The following QPCTL variants were observed in gnomAD, a reference collection of about 807,000 sequenced individuals.
QPCTL encodes glutaminyl-peptide cyclotransferase like.
Under a neutral mutation model 34.6 loss-of-function variants are expected in QPCTL, and 31 were observed. The observed-to-expected ratio is 0.90, with a 90% CI of 0.67 to 1.21. The LOEUF is 1.21. Ranked by LOEUF, QPCTL falls within the 50% of genes most tolerant of loss-of-function variation. The probability of loss-of-function intolerance (pLI) is 0.00; values close to 1 mark genes in which losing one functional copy is unlikely to be tolerated. For synonymous variants in QPCTL, 223 were observed against 226.9 expected (o/e 0.98, Z 0.15); for missense variants, 474 against 507.8 (o/e 0.93, Z 0.64).
chr19:45,693,120 CG>C (rs890907652), intron 1 of QPCTL, among the ~76,000 whole-genome samples: 2 of 152,010 alleles, frequency 1.3e-5, no homozygotes, highest in Non-Finnish European at 2.9e-5. Context: ...AATAGTAAGA[CG>C]GGGGGGTTCA....
chr19:45,702,745 CAG>C (rs1279757579), intron 6 of QPCTL, among the ~76,000 whole-genome samples, 157 bp from the exon 7 acceptor site: 1 of 148,860 alleles, frequency 6.7e-6, no homozygotes, highest in African/African-American at 2.5e-5. Context: ...GCCTGGGCGA[CAG>C]AGTGAGACTC....
intron 5 of QPCTL, among the ~76,000 whole-genome samples, chr19:45,700,431 G>A (rs753770574): frequency 3.4e-4 from 52 of 151,566 alleles, no homozygotes; most frequent in Non-Finnish European, 6.0e-4. Context: ...GTGACAGAGC[G>A]AGACTCTGTC....
Position 45,700,714 on chromosome 19 carries a change from A to G in QPCTL, c.887-1084A>G, listed in dbSNP as rs372263481. 7.1e-3 allele frequency among the ~76,000 whole-genome samples: 1,085 copies of G among 152,060 alleles called. 14 individuals carry two copies. The highest frequency in any genetic ancestry group is 0.025 in the African/African-American group (1,039 of 41,482). Reference sequence around the variant, plus strand: ...GGTGGCTCATGCCTGTAATCCCAGCACTTTGGGAGGCCGAGGTGGGCGAAT... The same window carrying G: ...GGTGGCTCATGCCTGTAATCCCAGCGCTTTGGGAGGCCGAGGTGGGCGAAT... On this transcript the variant is annotated intron_variant, in intron 5 of 6. Coordinates refer to ENST00000012049, the MANE Select transcript of QPCTL (RefSeq NM_017659.4).
In QPCTL at chr19:45,693,565, A is replaced by AC; in HGVS notation, c.351+12dup. ...ATCTCCAAGTCAGAAAGGTAAAGGG[A>AC]CCCACCTCCAGTCCCTGACCCCCTA... On this transcript the variant is annotated intron_variant, in intron 2 of 6. Transcript: ENST00000012049. 3.1e-6 allele frequency: 5 copies of AC among 1,604,638 alleles called. No individual in the cohort carries two copies. Among genetic ancestry groups the AC allele is most frequent in the Non-Finnish European group, 4.3e-6 (5 of 1,174,874 alleles).
At chr19:45,697,011 T>G (rs1275495055) in intron 3 of QPCTL, among the ~76,000 whole-genome samples, 1 of 151,730 alleles carries the variant, frequency 6.6e-6, no homozygotes, top group Non-Finnish European at 1.5e-5. Context: ...ATCCTACTAC[T>G]TGGGAGGTTG....
At chr19:45,698,437 G>A (rs1967743329) in intron 3 of QPCTL, 110 bp from the exon 4 acceptor site, 1 of 1,326,526 alleles carries the variant, frequency 7.5e-7, no homozygotes, top group Non-Finnish European at 1.0e-6. Context: ...CTATGAGTGA[G>A]GACACCTTAT....
rs560702379 is a variant in QPCTL at position 45,692,726 on chromosome 19, G to A, written c.23G>A (p.Arg8Gln). ...GCCATGCGTTCCGGGGGCCGCGGGC[G>A]ACCCCGCCTGCGGCTGGGGGAACGT... Reference protein sequence around the residue: MRSGGRGRPRLRLGERGL... With the variant: MRSGGRGQPRLRLGERGL... The change falls in exon 1 of 7, where the codon CGA (arginine) becomes CAA (glutamine). Residue 8 changes from arginine (R) to glutamine (Q), a missense_variant. By Grantham distance (43) the Arg-to-Gln change is conservative. Coordinates refer to ENST00000012049, the MANE Select transcript of QPCTL (RefSeq NM_017659.4). The A allele has an allele frequency of 1.3e-6, 2 of 1,552,692 alleles. No homozygotes were observed. The highest frequency in any genetic ancestry group is 1.4e-5 in the African/African-American group (1 of 72,016).
intron 3 of QPCTL, among the ~76,000 whole-genome samples, chr19:45,696,105 G>A (rs74889068): frequency 0.11 from 16,276 of 151,718 alleles, 1,111 homozygotes; most frequent in Non-Finnish European, 0.15. Context: ...CAGGGCTCCC[G>A]CCTCATTCCA....
chr19:45,699,031 C>CA, intron 5 of QPCTL, 131 bp downstream of exon 5: 4 of 331,820 alleles, frequency 1.2e-5, no homozygotes, highest in East Asian at 6.4e-5. Flanking sequence ...GAGACCCCAT[C>CA]TTTTTTTTTT....
At chr19:45,700,827 TG>T (rs1967795995) in intron 5 of QPCTL, among the ~76,000 whole-genome samples, 1 of 151,784 alleles carries the variant, frequency 6.6e-6, no homozygotes, top group South Asian at 2.1e-4. Context: ...GGTGTGGTGG[TG>T]GGCGCCTGTA....
intron 3 of QPCTL, among the ~76,000 whole-genome samples, chr19:45,696,146 C>G (rs941939619): frequency 1.3e-4 from 20 of 151,998 alleles, no homozygotes; most frequent in Non-Finnish European, 2.1e-4. Flanking sequence ...TATTGGCCCA[C>G]GAGCTGTGCC....
chr19:45,702,073 C>T (rs1430942583), intron 6 of QPCTL, among the ~76,000 whole-genome samples, 159 bp downstream of exon 6: 1 of 152,158 alleles, frequency 6.6e-6, no homozygotes, highest in East Asian at 1.9e-4. Flanking sequence ...TACTCCCTAT[C>T]TTAGAGTATT....
At chr19:45,695,850 T>C in intron 3 of QPCTL, 132 bp downstream of exon 3, 1 of 271,116 alleles carries the variant, frequency 3.7e-6, no homozygotes, top group African/African-American at 1.4e-4. Flanking sequence ...ACAGGGATCT[T>C]TTTTTTTTTT....
chr19:45,701,993 G>A, intron 6 of QPCTL, 79 bp downstream of exon 6: 1 of 1,193,298 alleles, frequency 8.4e-7, no homozygotes, highest in Middle Eastern at 2.1e-4. Context: ...CCTTCCCAGG[G>A]CTGGGGAATG....
At chr19:45,702,648 C>T (rs1435540187) in intron 6 of QPCTL, among the ~76,000 whole-genome samples, 1 of 151,736 alleles carries the variant, frequency 6.6e-6, no homozygotes, top group Non-Finnish European at 1.5e-5. Flanking sequence ...CCTATAATCC[C>T]AGCTACCCGG....
At position 45,692,868 on chromosome 19, in the gene QPCTL, G is replaced by A; in HGVS notation, c.165G>A (p.Trp55Ter). 6.4e-7 allele frequency: 1 copy of A among 1,552,202 alleles called. No individual in the cohort carries two copies. The highest frequency in any genetic ancestry group is 8.7e-7 in the Non-Finnish European group (1 of 1,149,674). The part of the protein sequence containing the change: ...GSAFYTIWSG[W>*]HRRTEELPLG... ...CGTTCTACACCATTTGGAGCGGCTG[G>A]CACCGCAGGACTGAGGAGCTGCCGC... Residue 55 changes from tryptophan (W) to a stop codon, truncating the protein, a stop_gained, in exon 1 of 7, where the codon TGG becomes TGA. Transcript: ENST00000012049. LOFTEE classifies it high-confidence loss of function.
rs1420996514 is a variant in QPCTL, at chr19:45,692,864, G to T, written c.161G>T (p.Gly54Val). 2 of 1,553,254 alleles carry T rather than the reference G, an allele frequency of 1.3e-6. No homozygotes were observed. Among genetic ancestry groups the T allele is most frequent in the African/African-American group, 1.4e-5 (1 of 73,488 alleles). The change falls in exon 1 of 7, where the codon GGC becomes GTC. Residue 54 changes from glycine (G) to valine (V), a missense_variant. Physicochemically the swap from Gly to Val is moderately radical, Grantham distance 109 (BLOSUM62 -3). Transcript: ENST00000012049. ...VGSAFYTIWS[G>V]WHRRTEELPL... ...TCGGCGTTCTACACCATTTGGAGCGGCTGGCACCGCAGGACTGAGGAGCTG... is the reference window on the plus strand; with the variant it reads ...TCGGCGTTCTACACCATTTGGAGCGTCTGGCACCGCAGGACTGAGGAGCTG...
At chr19:45,696,087 A>C (rs1209983894) in intron 3 of QPCTL, among the ~76,000 whole-genome samples, 1 of 151,454 alleles carries the variant, frequency 6.6e-6, no homozygotes, top group East Asian at 2.0e-4. Flanking sequence ...CTCTCCCCCA[A>C]ACCCTCCCAG....
chr19:45,698,818 T>C lies in QPCTL; in HGVS notation c.804T>C (p.Leu268=), dbSNP rs779225226. ...RIQAIELFML[L]DLLGAPNPTF... is the part of the protein sequence containing the mutation. ...CTCCTTAGGAGCTCTTTATGCTTCT[T>C]GATCTCCTGGGAGCCCCCAATCCCA... is the stretch of plus-strand genomic sequence containing the variant. Residue 268 remains leucine (L), a synonymous_variant, in exon 5 of 7, where the codon CTT becomes CTC. Coordinates refer to ENST00000012049, the MANE Select transcript of QPCTL (RefSeq NM_017659.4). 1.2e-6 allele frequency: 2 copies of C among 1,614,068 alleles called. No individual in the cohort carries two copies. The highest frequency in any genetic ancestry group is 1.7e-6 in the Non-Finnish European group (2 of 1,179,942).
Sources: allele counts gnomAD v4.1 joint callset (sites outside exome capture counted in the v4.1 genomes callset), GRCh38; gene constraint gnomAD v4.1.1; transcripts MANE v1.5; gene names NCBI Gene and HGNC (gene_info 2026-07-23, HGNC 2026-07-21).